Variants in NXPE2 observed in about 807,000 individuals in gnomAD.
The protein encoded by NXPE2 is neurexophilin and PC-esterase domain family member 2.
In NXPE2, 34 loss-of-function variants were observed where a neutral mutation model predicts 34.4. That is an observed-to-expected ratio of 0.99 (90% CI 0.75 to 1.31). NXPE2 has a LOEUF of 1.31. NXPE2 is among the 40% of genes most tolerant of loss of function. NXPE2 has a pLI of 0.00. For missense variants in NXPE2, 649 were observed against 672.5 expected (o/e 0.97, Z 0.39); for synonymous variants, 235 against 231.3 (o/e 1.02, Z -0.15).
chr11:114,666,698 G>A, the NXPE2 span, among the ~76,000 whole-genome samples: 1 of 151,956 alleles, frequency 6.6e-6, no homozygotes, highest in African/African-American at 2.4e-5. Flanking sequence ...TTTCTAAAGA[G>A]GTATTAGGGT....
the NXPE2 span, among the ~76,000 whole-genome samples, chr11:114,589,895 T>A: frequency 6.6e-6 from 1 of 152,178 alleles, no homozygotes; most frequent in African/African-American, 2.4e-5. Flanking sequence ...GAGGCCATAG[T>A]CTCAATCCAT....
chr11:114,757,010 T>C, the NXPE2 span, among the ~76,000 whole-genome samples: 2 of 152,172 alleles, frequency 1.3e-5, no homozygotes, highest in African/African-American at 4.8e-5. Context: ...CTGTCCACAA[T>C]AGTCCTTGTT....
chr11:114,802,163 A>G, the NXPE2 span, among the ~76,000 whole-genome samples: 1 of 152,064 alleles, frequency 6.6e-6, no homozygotes, highest in Non-Finnish European at 1.5e-5. Context: ...CCAATAAACA[A>G]CCCAGATTTG....
chr11:114,539,114 T>A, the NXPE2 span, among the ~76,000 whole-genome samples: 1 of 152,186 alleles, frequency 6.6e-6, no homozygotes, highest in African/African-American at 2.4e-5. Context: ...TAAAAAATAA[T>A]GAGTTCCTGT....
the NXPE2 span, among the ~76,000 whole-genome samples, chr11:114,718,699 C>T: frequency 6.6e-6 from 1 of 151,776 alleles, no homozygotes; most frequent in East Asian, 1.9e-4. Flanking sequence ...AATTTGAGCA[C>T]CAAAAAGGAA....
At chr11:114,620,914 A>G in the NXPE2 span, among the ~76,000 whole-genome samples, 54 of 152,296 alleles carry the variant, frequency 3.5e-4, no homozygotes, top group African/African-American at 1.2e-3. Flanking sequence ...CCCTGTGGAC[A>G]ATAAGCATTG....
At chr11:114,668,737 T>C in the NXPE2 span, among the ~76,000 whole-genome samples, 13 of 152,264 alleles carry the variant, frequency 8.5e-5, no homozygotes, top group South Asian at 4.1e-4. Flanking sequence ...TGTTAATCTT[T>C]AGTGAATATT....
the NXPE2 span, chr11:114,583,670 C>T: frequency 3.4e-6 from 2 of 584,378 alleles, no homozygotes; most frequent in Non-Finnish European, 6.8e-6. Flanking sequence ...TGGAGGCCTG[C>T]ACCATGCAAA....
At chr11:114,712,788 G>A in the NXPE2 span, among the ~76,000 whole-genome samples, 1 of 152,190 alleles carries the variant, frequency 6.6e-6, no homozygotes. Context: ...ACAAAGCAAA[G>A]TGAATTATTT....
At chr11:114,682,850 A>G (rs1425253009) in intron 2 of NXPE2, among the ~76,000 whole-genome samples, 1 of 87,644 alleles carries the variant, frequency 1.1e-5, no homozygotes, top group African/African-American at 4.1e-5. Flanking sequence ...CTGAGGAGGA[A>G]AAAAAAAAAC....
At chr11:114,494,448 C>G in the NXPE2 span, among the ~76,000 whole-genome samples, 1 of 152,080 alleles carries the variant, frequency 6.6e-6, no homozygotes, top group African/African-American at 2.4e-5. Context: ...TTCAAACTCA[C>G]TAATTCTTTC....
the NXPE2 span, among the ~76,000 whole-genome samples, chr11:114,602,756 G>A: frequency 9.8e-5 from 14 of 143,148 alleles, no homozygotes; most frequent in Non-Finnish European, 1.5e-4. Flanking sequence ...TCATATATAA[G>A]TATCTCATAT....
the NXPE2 span, among the ~76,000 whole-genome samples, chr11:114,712,366 A>G: frequency 1.3e-5 from 2 of 152,236 alleles, no homozygotes; most frequent in African/African-American, 4.8e-5. Flanking sequence ...AACCAACAGT[A>G]TGGGAAGAAA....
chr11:114,753,646 G>T, the NXPE2 span, among the ~76,000 whole-genome samples: 1 of 152,154 alleles, frequency 6.6e-6, no homozygotes, highest in Non-Finnish European at 1.5e-5. Flanking sequence ...GATAAATGAT[G>T]CTGCTGTCTG....
chr11:114,696,471 A>C (rs1419375893), intron 2 of NXPE2, among the ~76,000 whole-genome samples: 9 of 152,166 alleles, frequency 5.9e-5, no homozygotes, highest in African/African-American at 9.7e-5. Flanking sequence ...ATCCTAACCA[A>C]AATAATGCTT....
the NXPE2 span, among the ~76,000 whole-genome samples, chr11:114,719,258 A>G: frequency 2.6e-4 from 39 of 152,146 alleles, no homozygotes; most frequent in African/African-American, 9.2e-4. Flanking sequence ...CTCCCTCCCA[A>G]TCCAAACCCA....
At chr11:114,583,960 C>A in the NXPE2 span, 1 of 383,090 alleles carries the variant, frequency 2.6e-6, no homozygotes, top group South Asian at 2.2e-5. Flanking sequence ...ATGATGAGTC[C>A]TATGAGGCCA....
the NXPE2 span, among the ~76,000 whole-genome samples, chr11:114,603,812 C>T: frequency 6.6e-6 from 1 of 151,738 alleles, no homozygotes; most frequent in Non-Finnish European, 1.5e-5. Flanking sequence ...GCCTCGTCTC[C>T]TAGGTAACTC....
At chr11:114,587,334 C>T in the NXPE2 span, among the ~76,000 whole-genome samples, 26 of 152,228 alleles carry the variant, frequency 1.7e-4, no homozygotes, top group Non-Finnish European at 2.5e-4. Flanking sequence ...AATTTAATTC[C>T]GGAAGTTAAC....
Sources: allele counts gnomAD v4.1 joint callset (sites outside exome capture counted in the v4.1 genomes callset), GRCh38; gene constraint gnomAD v4.1.1; transcripts MANE v1.5; gene names NCBI Gene and HGNC (gene_info 2026-07-23, HGNC 2026-07-21).